Variants in SMIM36 observed in about 807,000 individuals in gnomAD.
SMIM36 encodes small integral membrane protein 36.
intron 1 of SMIM36, among the ~76,000 whole-genome samples, chr17:55,502,055 C>T (rs1222931944): frequency 6.6e-6 from 1 of 151,918 alleles, no homozygotes; most frequent in Non-Finnish European, 1.5e-5. Context: ...ATATCCCACA[C>T]CTGGCTCTGA....
chr17:55,501,704 A>G (rs1909984949), intron 1 of SMIM36, among the ~76,000 whole-genome samples: 1 of 133,758 alleles, frequency 7.5e-6, no homozygotes, highest in South Asian at 2.2e-4. Context: ...AGTCCCATGA[A>G]ATACATACAT....
At chr17:55,471,806 C>T (rs1457619305) in intron 3 of SMIM36, among the ~76,000 whole-genome samples, 1 of 152,208 alleles carries the variant, frequency 6.6e-6, no homozygotes, top group Non-Finnish European at 1.5e-5. Context: ...TGACCTGCTG[C>T]CTTTCTGTCA....
At chr17:55,483,991 T>C (rs568599852) in intron 1 of SMIM36, among the ~76,000 whole-genome samples, 4 of 152,348 alleles carry the variant, frequency 2.6e-5, no homozygotes, top group Admixed American at 2.6e-4. Flanking sequence ...CTACACATTC[T>C]ATTAGCTTTG....
intron 4 of SMIM36, among the ~76,000 whole-genome samples, chr17:55,452,869 T>A (rs1908944599): frequency 6.6e-6 from 1 of 152,202 alleles, no homozygotes; most frequent in Non-Finnish European, 1.5e-5. Flanking sequence ...ATAAATTTTT[T>A]AAAAACCCAA....
chr17:55,525,431 T>C, the SMIM36 span, among the ~76,000 whole-genome samples: 1 of 152,192 alleles, frequency 6.6e-6, no homozygotes, highest in Non-Finnish European at 1.5e-5. Flanking sequence ...ACATTTTACA[T>C]TACCCTTCTC....
At chr17:55,457,468 A>G (rs937504266) in intron 4 of SMIM36, among the ~76,000 whole-genome samples, 2 of 151,362 alleles carry the variant, frequency 1.3e-5, no homozygotes, top group African/African-American at 2.4e-5. Context: ...AAAAAAAAAA[A>G]AAGAATAGAA....
chr17:55,465,015 T>C (rs1909211929), intron 4 of SMIM36, among the ~76,000 whole-genome samples: 1 of 152,194 alleles, frequency 6.6e-6, no homozygotes, highest in Non-Finnish European at 1.5e-5. Context: ...CAGTCGACTG[T>C]GTGATGGAGC....
chr17:55,510,487 A>T (rs1440704006), intron 1 of SMIM36, among the ~76,000 whole-genome samples: 1 of 152,090 alleles, frequency 6.6e-6, no homozygotes, highest in Non-Finnish European at 1.5e-5. Flanking sequence ...TCCTAGCTAC[A>T]TGGGAGGCTG....
At chr17:55,458,648 A>G (rs1441222070) in intron 4 of SMIM36, among the ~76,000 whole-genome samples, 1 of 149,042 alleles carries the variant, frequency 6.7e-6, no homozygotes, top group Non-Finnish European at 1.5e-5. Context: ...AGAAGACACA[A>G]GCAGCTGGTC....
intron 1 of SMIM36, among the ~76,000 whole-genome samples, chr17:55,485,433 G>A (rs920976846): frequency 1.3e-5 from 2 of 148,490 alleles, no homozygotes; most frequent in African/African-American, 2.5e-5. Context: ...CCACAGGTGT[G>A]TTCCACCATA....
intron 4 of SMIM36, among the ~76,000 whole-genome samples, chr17:55,463,695 C>T (rs1460811657): frequency 3.3e-5 from 5 of 152,074 alleles, no homozygotes; most frequent in African/African-American, 4.8e-5. Flanking sequence ...TTAGTAAGTC[C>T]GTGGGTTGGT....
rs59012291 is a variant in SMIM36 at position 55,488,897 on chromosome 17, CCAT to C, written c.*175-9320_*175-9318del. Among the ~76,000 whole-genome samples, 900 of 150,840 alleles carry C rather than the reference CCAT, an allele frequency of 6.0e-3. 4 individuals are homozygous for C. Among genetic ancestry groups the C allele is most frequent in the Middle Eastern group, 0.031 (9 of 290 alleles). On this transcript the variant is annotated intron_variant, in intron 1 of 4. Transcript: ENST00000636752. ...GTAGCAGTATAAGAGTACTCATTTT[CCAT>C]CATCATCATCATCATCATCATCATC...
intron 3 of SMIM36, among the ~76,000 whole-genome samples, chr17:55,475,166 C>T (rs984732073): frequency 6.6e-6 from 1 of 152,130 alleles, no homozygotes; most frequent in Admixed American, 6.6e-5. Flanking sequence ...TCGTCATACT[C>T]CTATTCACCA....
chr17:55,488,842 C>A (rs1909652638), intron 1 of SMIM36, among the ~76,000 whole-genome samples: 1 of 152,066 alleles, frequency 6.6e-6, no homozygotes, highest in African/African-American at 2.4e-5. Context: ...GATCAAACGG[C>A]CCTATAACTT....
chr17:55,516,848 C>T, the SMIM36 span, among the ~76,000 whole-genome samples: 1 of 152,138 alleles, frequency 6.6e-6, no homozygotes, highest in Admixed American at 6.5e-5. Context: ...GCATGAGCCA[C>T]TGCAACTGGC....
upstream of SMIM36, among the ~76,000 whole-genome samples, chr17:55,513,889 G>A (rs1304826329): frequency 6.6e-6 from 1 of 152,192 alleles, no homozygotes; most frequent in Non-Finnish European, 1.5e-5. Context: ...GGTCTGGCCT[G>A]TCTTCTTAGA....
intron 4 of SMIM36, among the ~76,000 whole-genome samples, chr17:55,459,099 G>A (rs1376721392): frequency 6.6e-6 from 1 of 152,146 alleles, no homozygotes; most frequent in South Asian, 2.1e-4. Context: ...CTGCCATGGG[G>A]TCGGAGCCCC....
chr17:55,458,336 C>T (rs1289999926), intron 4 of SMIM36: 1 of 152,164 alleles, frequency 6.6e-6, no homozygotes, highest in Non-Finnish European at 1.5e-5. Context: ...TTGGTGACTT[C>T]CACTTGCGTG....
intron 1 of SMIM36, among the ~76,000 whole-genome samples, chr17:55,486,046 T>C (rs1909602285): frequency 6.7e-6 from 1 of 149,032 alleles, no homozygotes. Context: ...TATTCTTTTT[T>C]TTTTTTTGAG....
Sources: gnomAD v4.1 joint callset for allele counts (sites outside exome capture counted in the v4.1 genomes callset) on GRCh38, gnomAD v4.1.1 for gene constraint, MANE v1.5 for transcripts, NCBI Gene and HGNC (gene_info 2026-07-23, HGNC 2026-07-21) for gene names.